The following MTUS2 variants were observed in gnomAD, a reference collection of about 807,000 sequenced individuals.
MTUS2 encodes microtubule-associated tumor suppressor candidate 2.
MTUS2 carries 40 observed loss-of-function variants against 114.1 expected under a neutral mutation model. The observed-to-expected ratio is 0.35, with a 90% CI of 0.27 to 0.46. The LOEUF is 0.46. Ranked by LOEUF, MTUS2 falls within the 20% of genes least tolerant of loss-of-function variation. MTUS2 has a pLI of 1.00. For missense variants in MTUS2, 1,679 were observed against 1,705.4 expected (o/e 0.98, Z 0.27); for synonymous variants, 688 against 672.0 (o/e 1.02, Z -0.37).
chr13:29,155,826 C>T (rs1892836250), intron 5 of MTUS2, among the ~76,000 whole-genome samples: 1 of 151,926 alleles, frequency 6.6e-6, no homozygotes, highest in African/African-American at 2.4e-5. Flanking sequence ...ACACACATGT[C>T]TCTGATTGTT....
intron 10 of MTUS2, among the ~76,000 whole-genome samples, chr13:29,483,337 G>A (rs912385696): frequency 6.6e-6 from 1 of 152,242 alleles, no homozygotes; most frequent in African/African-American, 2.4e-5. Flanking sequence ...CGGCTTTGCA[G>A]CAGCACCTCC....
chr13:29,036,880 C>G (rs548980190), intron 4 of MTUS2, among the ~76,000 whole-genome samples: 30 of 150,628 alleles, frequency 2.0e-4, no homozygotes, highest in Non-Finnish European at 4.1e-4. Context: ...TCCTCTGTCC[C>G]TTTATTTTGG....
rs144903005 is a variant in MTUS2 at position 29,152,501 on chromosome 13, T to C, written c.2644+51531T>C. Among the ~76,000 whole-genome samples the C allele has an allele frequency of 2.4e-3, 372 of 152,264 alleles. 1 individual carries two copies. Among genetic ancestry groups the C allele is most frequent in the African/African-American group, 8.4e-3 (347 of 41,550 alleles). Reference sequence around the variant, plus strand: ...TGCAGCTTTGCTGGCATCCTCTGGCTCAGGATCTCTGTGAGATTGTAAGCT... The same window carrying C: ...TGCAGCTTTGCTGGCATCCTCTGGCCCAGGATCTCTGTGAGATTGTAAGCT... On this transcript the variant is annotated intron_variant, in intron 5 of 15. Coordinates refer to ENST00000612955, the MANE Select transcript of MTUS2 (RefSeq NM_001033602.4).
chr13:29,412,050 C>A (rs539445059), intron 8 of MTUS2, among the ~76,000 whole-genome samples: 1 of 151,910 alleles, frequency 6.6e-6, no homozygotes, highest in African/African-American at 2.4e-5. Flanking sequence ...ACTTTTTTAC[C>A]AAATTGTATG....
chr13:29,024,648 A>T lies in MTUS2; in HGVS notation c.-51A>T, dbSNP rs1368651211. The T allele has an allele frequency of 6.3e-7, 1 of 1,580,230 alleles. No individual in the cohort carries two copies. The highest frequency in any genetic ancestry group is 1.2e-5 in the South Asian group (1 of 83,908). ...TCTGATTGCAGCTTGAAGGCAGCCC[A>T]TTTCCATTAAGTAGGACTGCATGGC... On this transcript the variant is annotated 5_prime_UTR_variant, in exon 3 of 16. Transcript: ENST00000612955.
chr13:29,166,312 A>G (rs1375831881), intron 5 of MTUS2, among the ~76,000 whole-genome samples: 2 of 152,216 alleles, frequency 1.3e-5, no homozygotes, highest in African/African-American at 4.8e-5. Flanking sequence ...AACATGGAGA[A>G]CTGACAGAAG....
At chr13:29,318,706 G>A (rs898442001) in intron 6 of MTUS2, among the ~76,000 whole-genome samples, 3 of 152,160 alleles carry the variant, frequency 2.0e-5, no homozygotes, top group African/African-American at 7.2e-5. Context: ...GCTTCTGCCA[G>A]CTGTTGTCGA....
At chr13:29,321,956 A>G (rs1233679607) in intron 6 of MTUS2, among the ~76,000 whole-genome samples, 1 of 152,186 alleles carries the variant, frequency 6.6e-6, no homozygotes, top group Non-Finnish European at 1.5e-5. Context: ...GAGCTATGAC[A>G]TCCTTTTTAA....
intron 9 of MTUS2, among the ~76,000 whole-genome samples, chr13:29,463,523 T>A (rs563377531): frequency 1.3e-5 from 2 of 152,136 alleles, no homozygotes; most frequent in East Asian, 3.9e-4. Flanking sequence ...TGAAGTAGGC[T>A]CCAAGGGCAC....
intron 5 of MTUS2, among the ~76,000 whole-genome samples, chr13:29,148,800 G>T (rs1195232564): frequency 6.6e-6 from 1 of 151,332 alleles, no homozygotes; most frequent in Non-Finnish European, 1.5e-5. Flanking sequence ...TTCTGTTCCT[G>T]CCTTAGTTTG....
chr13:29,133,125 G>A (rs1463464443), intron 5 of MTUS2, among the ~76,000 whole-genome samples: 1 of 151,956 alleles, frequency 6.6e-6, no homozygotes, highest in East Asian at 1.9e-4. Context: ...GTGAGGTTGA[G>A]CATGTTTTCA....
At chr13:28,921,953 A>G (rs2138055553) in intron 2 of MTUS2, among the ~76,000 whole-genome samples, 1 of 152,292 alleles carries the variant, frequency 6.6e-6, no homozygotes. Flanking sequence ...GTGTCTCAGT[A>G]GGGCATGTGA....
chr13:28,967,149 G>A (rs1321082681), intron 2 of MTUS2, among the ~76,000 whole-genome samples: 1 of 152,206 alleles, frequency 6.6e-6, no homozygotes, highest in Non-Finnish European at 1.5e-5. Flanking sequence ...AATTCCAGCA[G>A]GGGGAGGAGT....
Position 29,459,095 on chromosome 13 carries a change from T to C in MTUS2, c.3184+19046T>C, listed in dbSNP as rs181354602. 1.7e-3 allele frequency among the ~76,000 whole-genome samples: 252 copies of C among 152,344 alleles called. 1 individual carries two copies. Among genetic ancestry groups the C allele is most frequent in the African/African-American group, 5.8e-3 (243 of 41,584 alleles). On this transcript the variant is annotated intron_variant, in intron 9 of 15. Coordinates refer to ENST00000612955, the MANE Select transcript of MTUS2 (RefSeq NM_001033602.4). ...AAGTTGCACACGTCACTTCTTCGCA[T>C]CGCTTGGACCCAAGCGGAGTCACTT...
intron 6 of MTUS2, among the ~76,000 whole-genome samples, chr13:29,290,425 G>A (rs865932569): frequency 1.3e-5 from 2 of 152,122 alleles, no homozygotes; most frequent in African/African-American, 2.4e-5. Flanking sequence ...CGCCTCCCGG[G>A]TTCACGCCAT....
At chr13:29,419,346 G>A (rs1236103097) in intron 8 of MTUS2, among the ~76,000 whole-genome samples, 1 of 152,142 alleles carries the variant, frequency 6.6e-6, no homozygotes. Context: ...GGTAGTGTGG[G>A]GTTAATCCCC....
intron 2 of MTUS2, among the ~76,000 whole-genome samples, chr13:29,009,889 T>A (rs1885762520): frequency 6.6e-6 from 1 of 152,072 alleles, no homozygotes. Context: ...ATGCCTTTGC[T>A]CTAATAGGTG....
At chr13:29,013,429 A>G (rs1885934063) in intron 2 of MTUS2, among the ~76,000 whole-genome samples, 1 of 152,252 alleles carries the variant, frequency 6.6e-6, no homozygotes, top group African/African-American at 2.4e-5. Flanking sequence ...ACCAGAACAG[A>G]TAACGCTCAG....
chr13:29,257,539 A>T (rs779323740), intron 5 of MTUS2, among the ~76,000 whole-genome samples: 3 of 152,220 alleles, frequency 2.0e-5, no homozygotes, highest in Non-Finnish European at 2.9e-5. Context: ...TGTTGTTGGA[A>T]CTTAACGTGA....
Sources: allele counts gnomAD v4.1 joint callset (sites outside exome capture counted in the v4.1 genomes callset), GRCh38; gene constraint gnomAD v4.1.1; transcripts MANE v1.5; gene names NCBI Gene and HGNC (gene_info 2026-07-23, HGNC 2026-07-21).